The following AGO2 variants were observed in gnomAD, a reference collection of about 807,000 sequenced individuals.
The protein encoded by AGO2 is argonaute RISC catalytic component 2.
Under a neutral mutation model 102.3 loss-of-function variants are expected in AGO2, and 5 were observed. That is an observed-to-expected ratio of 0.05 (90% CI 0.03 to 0.10). The LOEUF (loss-of-function observed/expected upper bound fraction) is 0.10, where lower values mean the gene tolerates loss of function less well. AGO2 is among the 10% of genes least tolerant of loss of function. The pLI, the probability that AGO2 is intolerant of heterozygous loss-of-function variation, is 1.00. For synonymous variants in AGO2, 449 were observed against 473.1 expected, an observed-to-expected ratio of 0.95 and a Z score of 0.66; for missense variants, 541 against 1,183.7, an observed-to-expected ratio of 0.46 and a Z score of 7.97.
At position 140,558,266 on chromosome 8, in the gene AGO2, G is replaced by A. The variant is rs540786899; in HGVS notation, c.878+219C>T. Among the ~76,000 whole-genome samples, 8 of 152,318 alleles carry A rather than the reference G, an allele frequency of 5.3e-5. No homozygotes were observed. In the South Asian group the frequency reaches 6.2e-4, roughly 12 times the overall value. On this transcript the variant is annotated intron_variant, in intron 7 of 18. Coordinates refer to ENST00000220592, the MANE Select transcript of AGO2 (RefSeq NM_012154.5). Reference sequence around the variant, plus strand: ...GGAAGAGGGAGAGAGAGCCTGGGCCGGCCCTTCTAGCACCCAGGGGGAATT... The same window carrying A: ...GGAAGAGGGAGAGAGAGCCTGGGCCAGCCCTTCTAGCACCCAGGGGGAATT...
intron 1 of AGO2, among the ~76,000 whole-genome samples, chr8:140,586,889 G>T (rs1426976994): frequency 6.6e-6 from 1 of 152,194 alleles, no homozygotes; most frequent in Non-Finnish European, 1.5e-5. Context: ...CTCCTCTCGG[G>T]GAGGAGAGTC....
chr8:140,603,621 C>T (rs1035791439), intron 1 of AGO2, among the ~76,000 whole-genome samples: 1 of 152,246 alleles, frequency 6.6e-6, no homozygotes, highest in Non-Finnish European at 1.5e-5. Context: ...GGTGGAGCCA[C>T]GCACGTGACC....
At chr8:140,639,059 A>G (rs1424145090), upstream of AGO2, among the ~76,000 whole-genome samples, 1 of 152,138 alleles carries the variant, frequency 6.6e-6, no homozygotes, top group Non-Finnish European at 1.5e-5. Flanking sequence ...TGTAGAGATG[A>G]TGTTTCACCA....
intron 2 of AGO2, among the ~76,000 whole-genome samples, chr8:140,582,308 A>G (rs1011550425): frequency 6.6e-6 from 1 of 152,192 alleles, no homozygotes; most frequent in Non-Finnish European, 1.5e-5. Context: ...AGCACCCCTA[A>G]TCTGAAAACC....
At chr8:140,607,042 G>C (rs554963437) in intron 1 of AGO2, among the ~76,000 whole-genome samples, 112 of 152,034 alleles carry the variant, frequency 7.4e-4, no homozygotes, top group African/African-American at 2.6e-3. Context: ...CTGAGGTCGG[G>C]AGTTGGAGAC....
intron 1 of AGO2, among the ~76,000 whole-genome samples, chr8:140,627,025 AG>A (rs946599413): frequency 6.6e-5 from 10 of 152,170 alleles, no homozygotes; most frequent in Non-Finnish European, 1.2e-4. Flanking sequence ...CCACACACAC[AG>A]GACACTGATC....
chr8:140,556,567 G>T (rs761100547), intron 8 of AGO2, among the ~76,000 whole-genome samples: 1 of 152,098 alleles, frequency 6.6e-6, no homozygotes, highest in African/African-American at 2.4e-5. Context: ...TCCTGACACC[G>T]GCACTTCTGG....
intron 1 of AGO2, among the ~76,000 whole-genome samples, chr8:140,617,702 T>A (rs889822848): frequency 6.6e-6 from 1 of 152,226 alleles, no homozygotes; most frequent in East Asian, 1.9e-4. Context: ...ATCTGTGTGC[T>A]GCCATCATCC....
chr8:140,571,069 T>A (rs764378908), intron 3 of AGO2, among the ~76,000 whole-genome samples: 6 of 152,204 alleles, frequency 3.9e-5, no homozygotes, highest in Non-Finnish European at 8.8e-5. Flanking sequence ...GCACACTAGT[T>A]TGCAAGGGGT....
At chr8:140,535,591 G>A (rs758616572) in intron 16 of AGO2, 22 bp from the exon 17 acceptor site, 32 of 1,612,110 alleles carry the variant, frequency 2.0e-5, no homozygotes, top group African/African-American at 8.0e-5. Flanking sequence ...CAGGCATCTC[G>A]TTAGACACGG....
intron 1 of AGO2, among the ~76,000 whole-genome samples, chr8:140,595,992 A>AC (rs1564107232): frequency 1.1e-4 from 14 of 125,576 alleles, no homozygotes; most frequent in Admixed American, 7.5e-4. Flanking sequence ...TAATATATAT[A>AC]TTATATATAT....
intron 1 of AGO2, among the ~76,000 whole-genome samples, chr8:140,628,426 G>A (rs1376096935): frequency 2.0e-5 from 3 of 152,314 alleles, no homozygotes; most frequent in Middle Eastern, 3.4e-3. Flanking sequence ...ACCTGTGTGC[G>A]TGTGTGTACC....
Position 140,556,218 on chromosome 8 carries a change from G to A in AGO2, c.1095C>T (p.Ile365=). The part of the protein sequence containing the change: ...KLTDNQTSTM[I]RATARSAPDR... ...CGGGCGCCGACCTAGCAGTCGCTCT[G>A]ATCATGGTTGAGGTCTGATTGTCCG... Residue 365 remains isoleucine, a synonymous_variant, in exon 9 of 19, where the codon ATC becomes ATT. Transcript: ENST00000220592. 6.2e-7 allele frequency: 1 copy of A among 1,614,210 alleles called. No homozygotes were observed. Among genetic ancestry groups the A allele is most frequent in the South Asian group, 1.1e-5 (1 of 91,076 alleles).
At chr8:140,590,019 G>A (rs1197430777) in intron 1 of AGO2, among the ~76,000 whole-genome samples, 2 of 152,232 alleles carry the variant, frequency 1.3e-5, no homozygotes, top group East Asian at 3.8e-4. Context: ...AATGTGTGCT[G>A]GGAATGCAGT....
chr8:140,621,312 C>G (rs1313832660), intron 1 of AGO2, among the ~76,000 whole-genome samples: 2 of 152,210 alleles, frequency 1.3e-5, no homozygotes, highest in African/African-American at 4.8e-5. Flanking sequence ...CCTGCCCCTC[C>G]TACTGGACCA....
chr8:140,559,993 T>C (rs983740799), intron 5 of AGO2, among the ~76,000 whole-genome samples: 3 of 147,238 alleles, frequency 2.0e-5, no homozygotes, highest in Non-Finnish European at 4.5e-5. Context: ...ACTCTCGTCT[T>C]TTTCACAGAG....
In AGO2 at chr8:140,544,246, G is replaced by T. The variant is rs148575703; in HGVS notation, c.1806C>A (p.Pro602=). 2.9e-4 allele frequency: 457 copies of T among 1,592,322 alleles called. 2 individuals carry two copies. In the African/African-American group the frequency reaches 3.0e-3, roughly 10 times the overall value. The part of the protein sequence containing the change: ...IFLGADVTHP[P]AGDGKKPSIA... ...TGGAGGGCTTCTTCCCATCCCCGGC[G>T]GGGGGGTGAGTGACGTCTGCTCCCA... Residue 602 remains proline (P), a synonymous_variant, in exon 14 of 19, where the codon CCC becomes CCA. Coordinates refer to ENST00000220592, the MANE Select transcript of AGO2 (RefSeq NM_012154.5).
chr8:140,550,436 C>T (rs762704185), intron 11 of AGO2, among the ~76,000 whole-genome samples: 16 of 152,160 alleles, frequency 1.1e-4, no homozygotes, highest in Non-Finnish European at 1.9e-4. Flanking sequence ...CTGTGCTGGC[C>T]GAGGCGAGCA....
At chr8:140,534,360 G>A (rs3889329) in intron 17 of AGO2, among the ~76,000 whole-genome samples, 11 of 152,106 alleles carry the variant, frequency 7.2e-5, no homozygotes, top group Non-Finnish European at 1.2e-4. Context: ...GAGGCTCCCC[G>A]ACTAGAAGGG....
Sources: gnomAD v4.1 joint callset for allele counts (sites outside exome capture counted in the v4.1 genomes callset) on GRCh38, gnomAD v4.1.1 for gene constraint, MANE v1.5 for transcripts, NCBI Gene and HGNC (gene_info 2026-07-23, HGNC 2026-07-21) for gene names.